Variants in SAMMSON observed in about 807,000 individuals in gnomAD.
SAMMSON encodes survival associated mitochondrial melanoma specific oncogenic non-coding RNA, also known as long intergenic non-protein coding RNA 1212.
At chr3:70,208,027 G>C (rs1006222171) in intron 4 of SAMMSON, among the ~76,000 whole-genome samples, 1 of 152,050 alleles carries the variant, frequency 6.6e-6, no homozygotes, top group Non-Finnish European at 1.5e-5. Context: ...ATAACTGAAA[G>C]TTACAGGATT....
intron 7 of SAMMSON, among the ~76,000 whole-genome samples, chr3:70,327,829 G>C (rs1029228206): frequency 2.6e-5 from 4 of 152,096 alleles, no homozygotes; most frequent in African/African-American, 9.7e-5. Context: ...AAATAACACT[G>C]TCCCAGAAAA....
chr3:70,220,297 G>A (rs1701450418), intron 4 of SAMMSON, among the ~76,000 whole-genome samples: 1 of 152,192 alleles, frequency 6.6e-6, no homozygotes, highest in South Asian at 2.1e-4. Flanking sequence ...TAGGCTCAGT[G>A]TCTCATGCCT....
At chr3:70,215,330 G>A (rs1395616673) in intron 4 of SAMMSON, among the ~76,000 whole-genome samples, 4 of 151,988 alleles carry the variant, frequency 2.6e-5, no homozygotes, top group African/African-American at 4.8e-5. Flanking sequence ...TTTGCATTTC[G>A]AAACTGCTTC....
chr3:70,090,796 A>G (rs1273943510), intron 4 of SAMMSON, among the ~76,000 whole-genome samples: 1 of 151,432 alleles, frequency 6.6e-6, no homozygotes, highest in Admixed American at 6.6e-5. Context: ...AAAAAAAACC[A>G]TTGGCTGATA....
intron 3 of SAMMSON, among the ~76,000 whole-genome samples, chr3:70,039,824 G>A (rs1345274607): frequency 6.6e-6 from 1 of 152,070 alleles, no homozygotes; most frequent in African/African-American, 2.4e-5. Flanking sequence ...TCTTGGTGGA[G>A]TGCCATTCTA....
chr3:70,022,711 C>T (rs2107581171), intron 3 of SAMMSON, among the ~76,000 whole-genome samples: 1 of 152,188 alleles, frequency 6.6e-6, no homozygotes, highest in African/African-American at 2.4e-5. Context: ...TCAAGAATAC[C>T]ATTAAATAAT....
chr3:70,373,599 A>C (rs906534026), intron 9 of SAMMSON, among the ~76,000 whole-genome samples: 1 of 152,120 alleles, frequency 6.6e-6, no homozygotes, highest in African/African-American at 2.4e-5. Flanking sequence ...GATAACACAG[A>C]AGTTAGATTT....
At chr3:70,182,158 T>G (rs1701058255) in intron 4 of SAMMSON, among the ~76,000 whole-genome samples, 1 of 151,482 alleles carries the variant, frequency 6.6e-6, no homozygotes. Flanking sequence ...GCTAAGGAGG[T>G]TTTTTTTAAT....
chr3:70,172,215 A>T (rs1435618856), intron 4 of SAMMSON: 1 of 151,040 alleles, frequency 6.6e-6, no homozygotes, highest in Non-Finnish European at 1.5e-5. Flanking sequence ...TTTAAAGGCT[A>T]GTTAGTTATT....
At chr3:70,352,452 A>G (rs542804870) in intron 7 of SAMMSON, among the ~76,000 whole-genome samples, 27 of 152,250 alleles carry the variant, frequency 1.8e-4, no homozygotes, top group South Asian at 8.3e-4. Context: ...TCATGACATC[A>G]TCAGATGAAG....
chr3:70,062,619 A>C (rs1407779189), intron 3 of SAMMSON, among the ~76,000 whole-genome samples: 1 of 152,050 alleles, frequency 6.6e-6, no homozygotes. Context: ...TCTCTTTGAT[A>C]TTGCACTGCT....
At chr3:70,309,738 A>T (rs1360717308) in intron 7 of SAMMSON, among the ~76,000 whole-genome samples, 2 of 152,232 alleles carry the variant, frequency 1.3e-5, no homozygotes, top group African/African-American at 4.8e-5. Flanking sequence ...CCCAATTAAG[A>T]TGTTGTCATC....
intron 4 of SAMMSON, among the ~76,000 whole-genome samples, chr3:70,231,780 C>G (rs1046177394): frequency 6.6e-6 from 1 of 152,092 alleles, no homozygotes; most frequent in Non-Finnish European, 1.5e-5. Context: ...CCCCTTGCCC[C>G]TACTAATTAG....
intron 3 of SAMMSON, among the ~76,000 whole-genome samples, chr3:70,026,793 A>G (rs1192231472): frequency 6.6e-6 from 1 of 152,174 alleles, no homozygotes; most frequent in Non-Finnish European, 1.5e-5. Context: ...GAAATATATT[A>G]ATTGGACAAA....
chr3:70,202,024 C>G (rs1268158661), intron 4 of SAMMSON, among the ~76,000 whole-genome samples: 1 of 152,148 alleles, frequency 6.6e-6, no homozygotes, highest in Non-Finnish European at 1.5e-5. Context: ...CTCTGTGGCT[C>G]TGGCTAACCA....
intron 6 of SAMMSON, among the ~76,000 whole-genome samples, chr3:70,284,560 T>C (rs556228717): frequency 1.2e-4 from 18 of 152,266 alleles, no homozygotes; most frequent in East Asian, 1.9e-4. Flanking sequence ...CGGAATACTA[T>C]GCAGCCATAA....
chr3:70,363,834 CAG>C (rs143548030), intron 9 of SAMMSON, among the ~76,000 whole-genome samples: 11 of 149,490 alleles, frequency 7.4e-5, no homozygotes, highest in African/African-American at 2.5e-4. Context: ...GTGTGCATGA[CAG>C]AGAGAGAGTG....
At chr3:70,392,958 C>A (rs904275586), downstream of SAMMSON, among the ~76,000 whole-genome samples, 21 of 152,046 alleles carry the variant, frequency 1.4e-4, no homozygotes, top group African/African-American at 4.1e-4. Flanking sequence ...ATTCGCATTG[C>A]AAAGCTATTT....
chr3:70,286,626 T>C (rs1441884016), intron 6 of SAMMSON, among the ~76,000 whole-genome samples: 1 of 152,044 alleles, frequency 6.6e-6, no homozygotes, highest in African/African-American at 2.4e-5. Flanking sequence ...GGGGATGGCA[T>C]TGAATCTGTA....
Sources: gnomAD v4.1 joint callset for allele counts (sites outside exome capture counted in the v4.1 genomes callset) on GRCh38, gnomAD v4.1.1 for gene constraint, MANE v1.5 for transcripts, NCBI Gene and HGNC (gene_info 2026-07-23, HGNC 2026-07-21) for gene names.